BCL2L1: variants seen among roughly 807,000 people sequenced by gnomAD.
BCL2L1 encodes the protein bcl-2-like protein 1.
BCL2L1 carries 1 observed loss-of-function variant against 18.7 expected under a neutral mutation model. The ratio of observed to expected loss-of-function variants is 0.05; its 90% CI spans 0.02 to 0.25. The LOEUF (loss-of-function observed/expected upper bound fraction) is 0.25, where lower values mean the gene tolerates loss of function less well. BCL2L1 is among the 10% of genes least tolerant of loss of function. The probability of loss-of-function intolerance (pLI) is 1.00; values close to 1 mark genes in which losing one functional copy is unlikely to be tolerated. For missense variants in BCL2L1, 207 were observed against 304.9 expected, an observed-to-expected ratio of 0.68 and a Z score of 2.39; for synonymous variants, 103 against 122.7, an observed-to-expected ratio of 0.84 and a Z score of 1.06.
chr20:31,696,837 T>C (rs990429107), intron 2 of BCL2L1, among the ~76,000 whole-genome samples: 5 of 151,906 alleles, frequency 3.3e-5, no homozygotes, highest in African/African-American at 1.2e-4. Context: ...GGGTGGATCA[T>C]CTGAGGTCAG....
At chr20:31,695,220 C>T (rs2061147518) in intron 2 of BCL2L1, among the ~76,000 whole-genome samples, 1 of 152,236 alleles carries the variant, frequency 6.6e-6, no homozygotes, top group Non-Finnish European at 1.5e-5. Context: ...TGGTCTCCTG[C>T]TCCCGCTCTT....
At chr20:31,691,501 G>A (rs915292633) in intron 2 of BCL2L1, among the ~76,000 whole-genome samples, 1 of 144,880 alleles carries the variant, frequency 6.9e-6, no homozygotes, top group Admixed American at 6.7e-5. Flanking sequence ...GCGACAGAGC[G>A]AGACTCTATC....
chr20:31,721,006 C>T, intron 2 of BCL2L1: 2 of 983,958 alleles, frequency 2.0e-6, no homozygotes, highest in Non-Finnish European at 1.2e-6. Context: ...AAGTCGCACA[C>T]TTTGGGGGAA....
chr20:31,673,354 A>G (rs2060703685), intron 2 of BCL2L1, among the ~76,000 whole-genome samples: 1 of 151,986 alleles, frequency 6.6e-6, no homozygotes, highest in Non-Finnish European at 1.5e-5. Context: ...GATTAAAGAC[A>G]TGAGCCACCG....
chr20:31,696,501 G>A (rs909099505), intron 2 of BCL2L1, among the ~76,000 whole-genome samples: 8 of 152,156 alleles, frequency 5.3e-5, no homozygotes, highest in African/African-American at 1.2e-4. Flanking sequence ...ACCCAGGTTC[G>A]GTGTACTCTA....
chr20:31,670,173 G>A (rs149568985), intron 2 of BCL2L1, among the ~76,000 whole-genome samples: 44 of 152,322 alleles, frequency 2.9e-4, no homozygotes, highest in African/African-American at 8.9e-4. Context: ...CACTAGGGCC[G>A]TGGCTATGCT....
At chr20:31,675,201 T>G (rs972230562) in intron 2 of BCL2L1, among the ~76,000 whole-genome samples, 3 of 152,156 alleles carry the variant, frequency 2.0e-5, no homozygotes, top group Non-Finnish European at 2.9e-5. Flanking sequence ...CCTGCTTGGT[T>G]ATTTCAGGAA....
At chr20:31,721,389 CT>C in intron 2 of BCL2L1, 2 of 471,292 alleles carry the variant, frequency 4.2e-6, no homozygotes. Context: ...CTACAGTTTT[CT>C]TTGCTGAGAA....
At chr20:31,703,800 G>GTT (rs1200728150) in intron 2 of BCL2L1, among the ~76,000 whole-genome samples, 22 of 116,290 alleles carry the variant, frequency 1.9e-4, no homozygotes, top group African/African-American at 5.6e-4. Context: ...CCCTGAACTT[G>GTT]TTTTTTTTTT....
chr20:31,708,415 C>T (rs191795210), intron 2 of BCL2L1, among the ~76,000 whole-genome samples: 8 of 152,312 alleles, frequency 5.3e-5, no homozygotes, highest in East Asian at 3.9e-4. Context: ...CCCAAGAAGC[C>T]TCAGAGAGGA....
intron 2 of BCL2L1, among the ~76,000 whole-genome samples, chr20:31,668,551 C>CTCA (rs2060621395): frequency 6.6e-6 from 1 of 151,828 alleles, no homozygotes. Flanking sequence ...AAGTGATCCG[C>CTCA]CCACGGCCTC....
At chr20:31,723,793 A>C (rs1207472876), upstream of BCL2L1, 7 of 985,282 alleles carry the variant, frequency 7.1e-6, no homozygotes, top group Non-Finnish European at 8.4e-6. Flanking sequence ...GGTAGCTTCC[A>C]GACGCAAGAG....
intron 2 of BCL2L1, among the ~76,000 whole-genome samples, chr20:31,703,821 C>T (rs190332150): frequency 4.0e-5 from 5 of 123,656 alleles, no homozygotes; most frequent in Admixed American, 3.5e-4. Context: ...TTTTTTGAGA[C>T]GAGTATTGCT....
chr20:31,723,660 C>T (rs1482742180), upstream of BCL2L1: 2 of 985,442 alleles, frequency 2.0e-6, no homozygotes, highest in Non-Finnish European at 2.4e-6. Flanking sequence ...CGAGCCCAGC[C>T]GGCACGGAAG....
intron 2 of BCL2L1, among the ~76,000 whole-genome samples, chr20:31,696,133 T>C (rs1453879037): frequency 6.6e-6 from 1 of 152,150 alleles, no homozygotes; most frequent in Non-Finnish European, 1.5e-5. Flanking sequence ...GTCCACTGGG[T>C]GAGAATAGGG....
intron 2 of BCL2L1, among the ~76,000 whole-genome samples, chr20:31,717,376 G>A (rs765259073): frequency 2.0e-5 from 3 of 151,984 alleles, no homozygotes; most frequent in Non-Finnish European, 4.4e-5. Context: ...AACCCTCCAG[G>A]TTCCATTGGA....
At chr20:31,713,584 T>A in intron 2 of BCL2L1, 1 of 985,262 alleles carries the variant, frequency 1.0e-6, no homozygotes, top group African/African-American at 1.7e-5. Context: ...ACTGTAAGGC[T>A]CAAGCTTGGC....
In BCL2L1 at chr20:31,684,645, C is replaced by T. The variant is rs548596540; in HGVS notation, c.565-18559G>A. On this transcript the variant is annotated intron_variant, in intron 2 of 2. Coordinates refer to ENST00000307677, the MANE Select transcript of BCL2L1 (RefSeq NM_138578.3). ...AGGGAAGAGCCAGATCTACCCTTCT[C>T]ATCTCCACATTCCGGATGGTCTGTC... Among the ~76,000 whole-genome samples, 6 of 152,344 alleles carry T rather than the reference C, an allele frequency of 3.9e-5. No individual in the cohort carries two copies. In the East Asian group the frequency reaches 1.2e-3, roughly 29 times the overall value.
intron 2 of BCL2L1, among the ~76,000 whole-genome samples, chr20:31,673,962 T>C (rs2060716211): frequency 6.6e-6 from 1 of 152,244 alleles, no homozygotes; most frequent in South Asian, 2.1e-4. Flanking sequence ...TGCTTTCATT[T>C]GATCCTCATA....
Sources: gnomAD v4.1 joint callset for allele counts (sites outside exome capture counted in the v4.1 genomes callset) on GRCh38, gnomAD v4.1.1 for gene constraint, MANE v1.5 for transcripts, NCBI Gene and HGNC (gene_info 2026-07-23, HGNC 2026-07-21) for gene names.